Variants in FARS2 observed in about 807,000 individuals in gnomAD.
FARS2 encodes the protein phenylalanine--tRNA ligase, mitochondrial.
In FARS2, 40 loss-of-function variants were observed where a neutral mutation model predicts 46.4. That is an observed-to-expected ratio of 0.86 (90% CI 0.67 to 1.12). The LOEUF is 1.12. Ranked by LOEUF, FARS2 falls within the 50% of genes most tolerant of loss-of-function variation. The pLI is 0.00. For missense variants in FARS2, 513 were observed against 567.9 expected (o/e 0.90, Z 0.98); for synonymous variants, 234 against 214.9 (o/e 1.09, Z -0.78).
chr6:5,325,814 GGTA>G (rs1770334444), intron 1 of FARS2, among the ~76,000 whole-genome samples: 1 of 151,970 alleles, frequency 6.6e-6, no homozygotes. Flanking sequence ...AAAACAACAT[GGTA>G]GTAGTAAAAT....
intron 1 of FARS2, among the ~76,000 whole-genome samples, chr6:5,291,933 A>G (rs888652386): frequency 2.0e-5 from 3 of 152,250 alleles, no homozygotes; most frequent in Admixed American, 2.0e-4. Context: ...GAGACTAATA[A>G]GTCAACAATT....
At chr6:5,617,630 T>A (rs940602275) in intron 6 of FARS2, among the ~76,000 whole-genome samples, 2 of 152,250 alleles carry the variant, frequency 1.3e-5, no homozygotes, top group Non-Finnish European at 2.9e-5. Flanking sequence ...GAAGTTTCTT[T>A]AAAAGTTGAA....
At chr6:5,696,821 T>C (rs1758135446) in intron 6 of FARS2, among the ~76,000 whole-genome samples, 1 of 152,132 alleles carries the variant, frequency 6.6e-6, no homozygotes, top group Admixed American at 6.5e-5. Context: ...GTGGAAGACA[T>C]TCATTTATTA....
chr6:5,473,291 C>T (rs1021594533), intron 4 of FARS2, among the ~76,000 whole-genome samples: 1 of 151,448 alleles, frequency 6.6e-6, no homozygotes, highest in Admixed American at 6.6e-5. Flanking sequence ...CTTTGGGAGG[C>T]CGAGGTGGGT....
intron 4 of FARS2, among the ~76,000 whole-genome samples, chr6:5,480,435 C>T (rs951230389): frequency 1.4e-4 from 22 of 152,154 alleles, no homozygotes; most frequent in Non-Finnish European, 2.6e-4. Context: ...TGGCGCAGAA[C>T]GCATCTGGTT....
chr6:5,702,518 C>T (rs1758507167), intron 6 of FARS2, among the ~76,000 whole-genome samples: 1 of 151,968 alleles, frequency 6.6e-6, no homozygotes, highest in Non-Finnish European at 1.5e-5. Context: ...GGTTGTAATC[C>T]ATAATGTTTC....
chr6:5,563,755 G>T (rs6597141), intron 5 of FARS2, among the ~76,000 whole-genome samples: 128,414 of 152,164 alleles, frequency 0.84, 54,552 homozygotes, highest in African/African-American at 0.94. Context: ...GTTATAGTAT[G>T]GAGTATACAG....
intron 4 of FARS2, among the ~76,000 whole-genome samples, chr6:5,453,010 G>A (rs780604763): frequency 4.6e-5 from 7 of 152,152 alleles, no homozygotes; most frequent in Admixed American, 6.5e-5. Context: ...AGTGGAAACC[G>A]TTCTGTGTAG....
intron 6 of FARS2, among the ~76,000 whole-genome samples, chr6:5,734,796 T>C (rs114617069): frequency 0.013 from 1,919 of 152,126 alleles, 42 homozygotes; most frequent in African/African-American, 0.044. Flanking sequence ...GGTTGTTTGA[T>C]TTGTAGATAG....
Position 5,311,281 on chromosome 6 carries a change from A to G in FARS2, c.-22+49621A>G, listed in dbSNP as rs1769064409. 6.6e-6 allele frequency among the ~76,000 whole-genome samples: 1 copy of G among 152,218 alleles called. No homozygotes were observed. Among genetic ancestry groups the G allele is most frequent in the African/African-American group, 2.4e-5 (1 of 41,458 alleles). On this transcript the variant is annotated intron_variant, in intron 1 of 6. Transcript: ENST00000274680. The surrounding 1 kb of genome is among the most constrained non-coding windows in gnomAD (Gnocchi z 4.1). ...TTAAGAATCAAAAGGAGTATGTTTT[A>G]CTGATAGATTAAATAGATGCTGCAG...
At chr6:5,417,691 A>C (rs1156386533) in intron 3 of FARS2, among the ~76,000 whole-genome samples, 1 of 152,166 alleles carries the variant, frequency 6.6e-6, no homozygotes, top group Non-Finnish European at 1.5e-5. Flanking sequence ...GGTTTTAAGC[A>C]GTTTGATTAT....
chr6:5,359,283 C>T (rs537611297), intron 1 of FARS2, among the ~76,000 whole-genome samples: 12 of 152,042 alleles, frequency 7.9e-5, no homozygotes, highest in African/African-American at 1.9e-4. Flanking sequence ...CAGGGTGATC[C>T]GCCCACCTCG....
rs1761394171 is a variant in FARS2, at chr6:5,403,704, A to G, written c.613-838A>G. Among the ~76,000 whole-genome samples the G allele has an allele frequency of 4.6e-5, 7 of 152,092 alleles. No homozygotes were observed. The South Asian group carries it at 1.5e-3, about 32-fold the overall frequency. ...GAAATGGCAGCTGACTCATTCTTTT[A>G]TTAAAACATTTTTTATGTTTGATTA... On this transcript the variant is annotated intron_variant, in intron 2 of 6. Coordinates refer to ENST00000274680, the MANE Select transcript of FARS2 (RefSeq NM_006567.5).
chr6:5,601,850 G>A (rs977111179), intron 5 of FARS2, among the ~76,000 whole-genome samples: 11 of 152,154 alleles, frequency 7.2e-5, no homozygotes, highest in African/African-American at 2.4e-4. Flanking sequence ...ATCAGGGGAC[G>A]TGTGCTCTGA....
chr6:5,595,378 G>T (rs1774142017), intron 5 of FARS2, among the ~76,000 whole-genome samples: 1 of 152,142 alleles, frequency 6.6e-6, no homozygotes, highest in East Asian at 1.9e-4. Context: ...TTTCTGATAG[G>T]TTTTCGCTTC....
chr6:5,746,146 T>C (rs9502335), intron 6 of FARS2, among the ~76,000 whole-genome samples: 51,054 of 152,056 alleles, frequency 0.34, 13,045 homozygotes, highest in African/African-American at 0.71. Context: ...ATACCTTACA[T>C]TCCCAGGCGG....
upstream of FARS2, chr6:5,260,751 A>C (rs1765037066): frequency 1.3e-6 from 2 of 1,542,910 alleles, no homozygotes; most frequent in East Asian, 2.4e-5. Flanking sequence ...AGAAAAAAAA[A>C]TAAACGGGTC....
intron 6 of FARS2, among the ~76,000 whole-genome samples, chr6:5,714,112 A>C (rs1424355459): frequency 1.3e-5 from 2 of 152,208 alleles, no homozygotes; most frequent in African/African-American, 2.4e-5. Flanking sequence ...CTTTGCTTTC[A>C]GAGTGCCATT....
At chr6:5,403,153 C>T (rs1761359656) in intron 2 of FARS2, among the ~76,000 whole-genome samples, 1 of 152,108 alleles carries the variant, frequency 6.6e-6, no homozygotes. Flanking sequence ...AATTTGAGGC[C>T]TAGGATATTA....
Sources: gnomAD v4.1 joint callset for allele counts (sites outside exome capture counted in the v4.1 genomes callset) on GRCh38, gnomAD v4.1.1 for gene constraint, Gnocchi (gnomAD v3.1) non-coding constraint, MANE v1.5 for transcripts, NCBI Gene and HGNC (gene_info 2026-07-23, HGNC 2026-07-21) for gene names.